The following PRIM2 variants were observed in gnomAD, a reference collection of about 807,000 sequenced individuals.
PRIM2 encodes DNA primase subunit 2.
In PRIM2, 39 loss-of-function variants were observed where a neutral mutation model predicts 67.3. The observed-to-expected ratio is 0.58, with a 90% CI of 0.45 to 0.76. The LOEUF is 0.76. PRIM2 is among the 30% of genes least tolerant of loss of function. The pLI is 0.00. For missense variants in PRIM2, 398 were observed against 598.7 expected (o/e 0.66, Z 3.50); for synonymous variants, 143 against 198.7 (o/e 0.72, Z 2.36).
At chr6:57,630,745 A>T (rs1207823834) in intron 12 of PRIM2, among the ~76,000 whole-genome samples, 1 of 152,126 alleles carries the variant, frequency 6.6e-6, no homozygotes, top group African/African-American at 2.4e-5. Context: ...TTAATATATT[A>T]TTATAGATGT....
chr6:57,584,472 A>G (rs1318110682), intron 10 of PRIM2, among the ~76,000 whole-genome samples: 1 of 152,160 alleles, frequency 6.6e-6, no homozygotes, highest in East Asian at 1.9e-4. Flanking sequence ...CACTATTTCC[A>G]TTTTCTGAAA....
chr6:57,289,450 G>A, the PRIM2 span, among the ~76,000 whole-genome samples: 1 of 152,078 alleles, frequency 6.6e-6, no homozygotes, highest in Non-Finnish European at 1.5e-5. Flanking sequence ...AGGAAATACA[G>A]GGAACACCAC....
chr6:57,361,067 T>C (rs887554), intron 5 of PRIM2, among the ~76,000 whole-genome samples: 1 of 151,640 alleles, frequency 6.6e-6, no homozygotes, highest in Non-Finnish European at 1.5e-5. Flanking sequence ...TAGAACATTA[T>C]AAGAATGATG....
chr6:57,513,128 A>T (rs1178452774), intron 8 of PRIM2, among the ~76,000 whole-genome samples: 1 of 151,542 alleles, frequency 6.6e-6, no homozygotes, highest in African/African-American at 2.4e-5. Flanking sequence ...TTAGATATGT[A>T]ATCTAAGGAG....
chr6:57,555,327 G>T (rs1205846800), intron 10 of PRIM2, among the ~76,000 whole-genome samples: 1,989 of 150,850 alleles, frequency 0.013, 41 homozygotes, highest in African/African-American at 0.045. Context: ...TCATCCAGGC[G>T]GGAGCGCAGT....
At chr6:57,309,139 C>CTT in the PRIM2 span, among the ~76,000 whole-genome samples, 11 of 142,356 alleles carry the variant, frequency 7.7e-5, no homozygotes, top group African/African-American at 1.3e-4. Flanking sequence ...GGTGATGACT[C>CTT]TTTTTTTTTT....
At chr6:57,235,330 G>A in the PRIM2 span, among the ~76,000 whole-genome samples, 17,359 of 152,122 alleles carry the variant, frequency 0.11, 1,095 homozygotes, top group Middle Eastern at 0.23. Context: ...CAGGTTTGCT[G>A]GCACATGCCT....
intron 10 of PRIM2, among the ~76,000 whole-genome samples, chr6:57,586,794 A>T (rs1776196713): frequency 6.6e-6 from 1 of 152,200 alleles, no homozygotes; most frequent in Non-Finnish European, 1.5e-5. Flanking sequence ...TTGCTAACAG[A>T]TAAGGAAAAG....
chr6:57,515,279 A>G (rs1302107740), intron 8 of PRIM2, among the ~76,000 whole-genome samples: 1 of 152,226 alleles, frequency 6.6e-6, no homozygotes, highest in Admixed American at 6.5e-5. Flanking sequence ...ACCTGTGGCA[A>G]AAAATTATAG....
At chr6:57,549,184 A>G (rs1775351210) in intron 10 of PRIM2, among the ~76,000 whole-genome samples, 2 of 152,344 alleles carry the variant, frequency 1.3e-5, no homozygotes, top group African/African-American at 4.8e-5. Context: ...GAGATGGCAT[A>G]AGGTAAAATT....
the PRIM2 span, among the ~76,000 whole-genome samples, chr6:57,241,686 G>GTTTTTT: frequency 3.5e-4 from 15 of 43,078 alleles, no homozygotes; most frequent in African/African-American, 1.0e-3. Context: ...GCAGAACTAT[G>GTTTTTT]TATTTTTTTT....
At chr6:57,436,063 T>C (rs1171246319) in intron 7 of PRIM2, among the ~76,000 whole-genome samples, 4 of 152,204 alleles carry the variant, frequency 2.6e-5, no homozygotes, top group Non-Finnish European at 5.9e-5. Flanking sequence ...TTTTAAATAA[T>C]TTCTTCTCCC....
At chr6:57,265,241 G>C in the PRIM2 span, among the ~76,000 whole-genome samples, 3 of 152,266 alleles carry the variant, frequency 2.0e-5, no homozygotes, top group East Asian at 3.9e-4. Flanking sequence ...AAATGATCAG[G>C]CCATTATGCA....
intron 10 of PRIM2, among the ~76,000 whole-genome samples, chr6:57,568,466 C>A (rs1458122336): frequency 6.6e-6 from 1 of 152,204 alleles, no homozygotes; most frequent in African/African-American, 2.4e-5. Flanking sequence ...AAAACCCCTA[C>A]TATTTATTAT....
At chr6:57,430,896 C>T (rs1217791123) in intron 7 of PRIM2, among the ~76,000 whole-genome samples, 1 of 152,168 alleles carries the variant, frequency 6.6e-6, no homozygotes, top group Non-Finnish European at 1.5e-5. Flanking sequence ...TGACTTCAGG[C>T]ATTTACTTCA....
At chr6:57,291,815 C>T in the PRIM2 span, among the ~76,000 whole-genome samples, 2 of 152,104 alleles carry the variant, frequency 1.3e-5, no homozygotes, top group African/African-American at 4.8e-5. Context: ...CCTAAAAACT[C>T]GCAATAAACT....
chr6:57,517,042 GA>G (rs2127462715), intron 8 of PRIM2, among the ~76,000 whole-genome samples: 1 of 152,232 alleles, frequency 6.6e-6, no homozygotes, highest in East Asian at 1.9e-4. Flanking sequence ...AGTTTCTCAG[GA>G]ATTTCTGGAT....
At chr6:57,293,258 G>C in the PRIM2 span, among the ~76,000 whole-genome samples, 1 of 152,202 alleles carries the variant, frequency 6.6e-6, no homozygotes, top group Admixed American at 6.5e-5. Flanking sequence ...CTGCTCATTA[G>C]AGAAATGCAA....
intron 10 of PRIM2, among the ~76,000 whole-genome samples, chr6:57,598,331 T>C (rs1776404953): frequency 6.6e-6 from 1 of 152,200 alleles, no homozygotes; most frequent in African/African-American, 2.4e-5. Flanking sequence ...AATTTTTGAC[T>C]AAATCAGTCA....
Sources: allele counts gnomAD v4.1 joint callset (sites outside exome capture counted in the v4.1 genomes callset), GRCh38; gene constraint gnomAD v4.1.1; transcripts MANE v1.5; gene names NCBI Gene and HGNC (gene_info 2026-07-23, HGNC 2026-07-21).